KCNQ1OT1: variants seen among roughly 807,000 people sequenced by gnomAD.
KCNQ1OT1 encodes KCNQ1 antisense RNA 2 (non-protein coding).
At chr11:2,675,728 T>C (rs76101706) in exon 1 of KCNQ1OT1, 28,460 of 398,660 alleles carry the variant, frequency 0.071, 1,146 homozygotes, top group Middle Eastern at 0.11. Flanking sequence ...GAGCAGCCCC[T>C]GCTCCACAGA....
At chr11:2,655,257 C>G (rs1849825549) in exon 1 of KCNQ1OT1, 1 of 398,658 alleles carries the variant, frequency 2.5e-6, no homozygotes, top group Admixed American at 4.4e-5. Context: ...AGACCTCCCA[C>G]TTTCCTAGAA....
Position 2,679,393 on chromosome 11 carries a change from G to T in KCNQ1OT1, n.20602C>A, listed in dbSNP as rs1850348671. 1 of 398,460 alleles carries T rather than the reference G, an allele frequency of 2.5e-6. No homozygotes were observed. Among genetic ancestry groups the T allele is most frequent in the Non-Finnish European group, 4.4e-6 (1 of 226,064 alleles). 24.7% of individuals were successfully genotyped at this position (398,460 alleles called of 1,614,324 possible). ...TCACTTAGTCTCAGTTTCTTTATTT[G>T]TAAAATGGGAATCATAAGAGTACCT... On this transcript the variant is annotated non_coding_transcript_exon_variant, in exon 1 of 1. Coordinates refer to ENST00000597346, the Ensembl canonical transcript of KCNQ1OT1. This position sits in a 1 kb window ranked among gnomAD's most constrained non-coding sequence, Gnocchi z 4.8.
At chr11:2,631,194 A>G (rs951430988) in exon 1 of KCNQ1OT1, 1 of 398,376 alleles carries the variant, frequency 2.5e-6, no homozygotes, top group Middle Eastern at 6.3e-4. Context: ...TTACCTCTCT[A>G]CTTTCCTTCT....
exon 1 of KCNQ1OT1, chr11:2,684,419 C>T: frequency 2.5e-6 from 1 of 398,686 alleles, no homozygotes; most frequent in Non-Finnish European, 4.4e-6. Context: ...AGTGCCCCAG[C>T]ACCACCTCTT....
At chr11:2,675,496 T>G (rs116980763) in exon 1 of KCNQ1OT1, 1 of 398,548 alleles carries the variant, frequency 2.5e-6, no homozygotes, top group Admixed American at 4.4e-5. Flanking sequence ...TCATGAGACA[T>G]AGCAGTCACA....
rs1350225094 is a variant in KCNQ1OT1, at chr11:2,652,062, A to T, written n.47933T>A. 3 of 398,474 alleles carry T rather than the reference A, an allele frequency of 7.5e-6. No individual in the cohort carries two copies. Among genetic ancestry groups the T allele is most frequent in the East Asian group, 3.6e-5 (1 of 28,076 alleles). 24.7% of individuals were successfully genotyped at this position (398,474 alleles called of 1,614,324 possible). On this transcript the variant is annotated non_coding_transcript_exon_variant, in exon 1 of 1. Transcript: ENST00000597346. The surrounding 1 kb of genome is among the most constrained non-coding windows in gnomAD (Gnocchi z 5.9). ...GTGGCTCTGACTGTGTCCAGGCTCCAATTTGAGAAGCTATGGGGAGCCTCT... is the reference window on the plus strand; with the variant it reads ...GTGGCTCTGACTGTGTCCAGGCTCCTATTTGAGAAGCTATGGGGAGCCTCT...
exon 1 of KCNQ1OT1, chr11:2,662,401 A>C (rs1849977483): frequency 2.0e-6 from 1 of 500,568 alleles, no homozygotes. Flanking sequence ...CCCCCCAAAA[A>C]AGAGACGACT....
Position 2,682,291 on chromosome 11 carries a change from A to G in KCNQ1OT1, n.17704T>C, listed in dbSNP as rs943141733. On this transcript the variant is annotated non_coding_transcript_exon_variant, in exon 1 of 1. Transcript: ENST00000597346. The surrounding 1 kb of genome is among the most constrained non-coding windows in gnomAD (Gnocchi z 5.8). ...GCTTAAGACTGGGCTGTAAAAAATC[A>G]CATACCTCCCCTCCCATTCTTAATG... The G allele has an allele frequency of 1.0e-5, 4 of 398,454 alleles. No individual in the cohort carries two copies. Among genetic ancestry groups the G allele is most frequent in the Non-Finnish European group, 1.8e-5 (4 of 226,080 alleles). 24.7% of individuals were successfully genotyped at this position (398,454 alleles called of 1,614,324 possible).
exon 1 of KCNQ1OT1, chr11:2,689,075 C>T (rs1850545736): frequency 2.5e-6 from 1 of 398,816 alleles, no homozygotes. Context: ...CCCGGTGGCA[C>T]ATCCGGCCTG....
Position 2,664,332 on chromosome 11 carries a change from C to T in KCNQ1OT1, n.35663G>A, listed in dbSNP as rs969456495. On this transcript the variant is annotated non_coding_transcript_exon_variant, in exon 1 of 1. Transcript: ENST00000597346. The surrounding 1 kb of genome is among the most constrained non-coding windows in gnomAD (Gnocchi z 5.1). The stretch of plus-strand genomic sequence containing the variant: ...GGTCAGGGAAGACTCAGGGCTGAGG[C>T]TTCAGGGGAGCTGGGTTCCTGCATC... 2.5e-6 allele frequency: 1 copy of T among 398,776 alleles called. No individual in the cohort carries two copies. The highest frequency in any genetic ancestry group is 4.4e-6 in the Non-Finnish European group (1 of 226,272). The allele number at this position is 398,776 out of a possible 1,614,324, so 24.7% of individuals were successfully genotyped here.
Position 2,674,494 on chromosome 11 carries a change from T to G in KCNQ1OT1, n.25501A>C. ...GTCGAGATGTGTAAGATGGCCCCAG[T>G]GTTACTAGGCACTAGATGGCACTTG... On this transcript the variant is annotated non_coding_transcript_exon_variant, in exon 1 of 1. Transcript: ENST00000597346. This position sits in a 1 kb window ranked among gnomAD's most constrained non-coding sequence, Gnocchi z 5.9. 2.5e-6 allele frequency: 1 copy of G among 398,510 alleles called. No homozygotes were observed. The highest frequency in any genetic ancestry group is 4.4e-6 in the Non-Finnish European group (1 of 226,064). The allele number at this position is 398,510 out of a possible 1,614,324, so 24.7% of individuals were successfully genotyped here. A position where few individuals can be genotyped will look rare whatever the true frequency, so the allele number is the denominator to read the frequency against.
rs980670061 is a variant in KCNQ1OT1 at position 2,654,903 on chromosome 11, G to A, written n.45092C>T. On this transcript the variant is annotated non_coding_transcript_exon_variant, in exon 1 of 1. Coordinates refer to ENST00000597346, the Ensembl canonical transcript of KCNQ1OT1. This position sits in a 1 kb window ranked among gnomAD's most constrained non-coding sequence, Gnocchi z 6.4. The stretch of plus-strand genomic sequence containing the variant: ...GCAACTCTAGGATAAGATGTGCAAG[G>A]TCGTGGGCCAGAGAGCAAGGCACAG... 4 of 398,496 alleles carry A rather than the reference G, an allele frequency of 1.0e-5. No homozygotes were observed. The highest frequency in any genetic ancestry group is 6.2e-5 in the African/African-American group (3 of 48,594). The allele number at this position is 398,496 out of a possible 1,614,324, so 24.7% of individuals were successfully genotyped here. A position where few individuals can be genotyped will look rare whatever the true frequency, so the allele number is the denominator to read the frequency against.
chr11:2,638,432 G>A (rs1304873245), exon 1 of KCNQ1OT1: 1 of 152,148 alleles, frequency 6.6e-6, no homozygotes, highest in Admixed American at 6.5e-5. Context: ...CTTCACTTAT[G>A]AAGCTTAGTT....
chr11:2,694,337 A>G (rs1019031959), exon 1 of KCNQ1OT1: 4 of 398,556 alleles, frequency 1.0e-5, no homozygotes, highest in African/African-American at 4.1e-5. Context: ...GGTGCCCCCC[A>G]GGGGACATAT....
rs1850704519 is a variant in KCNQ1OT1, at chr11:2,697,826, T to C, written n.2169A>G. ...TCATAAGGGAAATTCTTTATAGTTT[T>C]CTTGTGCTTTCTATCTGAATTTGGA... On this transcript the variant is annotated non_coding_transcript_exon_variant, in exon 1 of 1. Coordinates refer to ENST00000597346, the Ensembl canonical transcript of KCNQ1OT1. The C allele has an allele frequency of 1.0e-5, 4 of 398,674 alleles. No individual in the cohort carries two copies. The East Asian group carries it at 1.4e-4, about 14-fold the overall frequency. The allele number at this position is 398,674 out of a possible 1,614,324, so 24.7% of individuals were successfully genotyped here. A position where few individuals can be genotyped will look rare whatever the true frequency, so the allele number is the denominator to read the frequency against.
rs1850587021 is a variant in KCNQ1OT1, at chr11:2,691,507, G to A, written n.8488C>T. Reference sequence around the variant, plus strand: ...TCAGCCTATTCAAGGCCATTTTTCAGCTTGCTTGGCTTTGCATTAAAGTTG... The same window carrying A: ...TCAGCCTATTCAAGGCCATTTTTCAACTTGCTTGGCTTTGCATTAAAGTTG... On this transcript the variant is annotated non_coding_transcript_exon_variant, in exon 1 of 1. Coordinates refer to ENST00000597346, the Ensembl canonical transcript of KCNQ1OT1. This position sits in a 1 kb window ranked among gnomAD's most constrained non-coding sequence, Gnocchi z 6.4. 2.5e-6 allele frequency: 1 copy of A among 397,850 alleles called. No homozygotes were observed. Among genetic ancestry groups the A allele is most frequent in the East Asian group, 3.6e-5 (1 of 28,076 alleles). The allele number at this position is 397,850 out of a possible 1,614,324, so 24.6% of individuals were successfully genotyped here.
Position 2,673,478 on chromosome 11 carries a change from A to G in KCNQ1OT1, n.26517T>C, listed in dbSNP as rs1456639120. Reference sequence around the variant, plus strand: ...TGAGCCGGAACACCTGAAAAGCCATACAGACTCCTGCTCATCACAACCACT... The same window carrying G: ...TGAGCCGGAACACCTGAAAAGCCATGCAGACTCCTGCTCATCACAACCACT... On this transcript the variant is annotated non_coding_transcript_exon_variant, in exon 1 of 1. Coordinates refer to ENST00000597346, the Ensembl canonical transcript of KCNQ1OT1. This position sits in a 1 kb window ranked among gnomAD's most constrained non-coding sequence, Gnocchi z 4.5. 15 of 398,498 alleles carry G rather than the reference A, an allele frequency of 3.8e-5. 1 individual carries two copies. In the East Asian group the frequency reaches 5.3e-4, roughly 14 times the overall value. 24.7% of individuals were successfully genotyped at this position (398,498 alleles called of 1,614,324 possible).
chr11:2,672,500 G>C lies in KCNQ1OT1; in HGVS notation n.27495C>G, dbSNP rs144511647. On this transcript the variant is annotated non_coding_transcript_exon_variant, in exon 1 of 1. Transcript: ENST00000597346. Reference sequence around the variant, plus strand: ...CCCCACATTCCATGGCAGTGCCTAGGAGCTCTGTGCTCCCAGGCCTCTCCA... The same window carrying C: ...CCCCACATTCCATGGCAGTGCCTAGCAGCTCTGTGCTCCCAGGCCTCTCCA... 7.5e-6 allele frequency: 3 copies of C among 398,644 alleles called. No homozygotes were observed. The East Asian group carries it at 1.1e-4, about 14-fold the overall frequency. 24.7% of individuals were successfully genotyped at this position (398,644 alleles called of 1,614,324 possible).
At chr11:2,641,148 T>A (rs1022884858) in exon 1 of KCNQ1OT1, 1 of 398,544 alleles carries the variant, frequency 2.5e-6, no homozygotes, top group African/African-American at 2.1e-5. Flanking sequence ...GGTACATTTT[T>A]AGTATACTGA....
Sources: gnomAD v4.1 joint callset for allele counts on GRCh38, gnomAD v4.1.1 for gene constraint, Gnocchi (gnomAD v3.1) non-coding constraint, MANE v1.5 for transcripts, NCBI Gene and HGNC (gene_info 2026-07-23, HGNC 2026-07-21) for gene names.